Variants in DECR2 observed in about 807,000 individuals in gnomAD.
DECR2 encodes peroxisomal 2,4-dienoyl-CoA reductase [(3E)-enoyl-CoA-producing].
In DECR2, 34 loss-of-function variants were observed where a neutral mutation model predicts 29.2. The observed-to-expected ratio is 1.16, with a 90% confidence interval of 0.89 to 1.55. The LOEUF is 1.55. Among genes scored for constraint, DECR2 ranks in the 40% most tolerant of loss-of-function variants. The pLI is 0.00. For synonymous variants in DECR2, 224 were observed against 182.7 expected, an observed-to-expected ratio of 1.23 and a Z score of -1.82; for missense variants, 485 against 425.3, an observed-to-expected ratio of 1.14 and a Z score of -1.23.
chr16:403,341 A>C (rs994356565), intron 1 of DECR2, among the ~76,000 whole-genome samples: 1 of 152,336 alleles, frequency 6.6e-6, no homozygotes, highest in African/African-American at 2.4e-5. Flanking sequence ...TTTAATAATT[A>C]AGAATAGGAA....
Position 405,028 on chromosome 16 carries a change from A to T in DECR2, c.149+4A>T, listed in dbSNP as rs368485038. Reference sequence around the variant, plus strand: ...GGATTGCTGAGATTTTCATGCGGTGAGACTGCTCTGTGTCCCTTCCCTGCT... The same window carrying T: ...GGATTGCTGAGATTTTCATGCGGTGTGACTGCTCTGTGTCCCTTCCCTGCT... On this transcript the variant is annotated splice_donor_region_variant and intron_variant, in intron 2 of 8. Coordinates refer to ENST00000219481, the MANE Select transcript of DECR2 (RefSeq NM_020664.4). The T allele has an allele frequency of 1.5e-5, 25 of 1,613,902 alleles. No homozygotes were observed. The highest frequency in any genetic ancestry group is 2.1e-5 in the Non-Finnish European group (25 of 1,179,988).
intron 2 of DECR2, chr16:405,280 G>A: frequency 1.7e-6 from 1 of 591,946 alleles, no homozygotes; most frequent in South Asian, 2.1e-5. Context: ...CGAGAGTCAG[G>A]GCTGTGTCGG....
At chr16:408,235 G>C (rs1310898302) in intron 4 of DECR2, among the ~76,000 whole-genome samples, 1 of 140,394 alleles carries the variant, frequency 7.1e-6, no homozygotes, top group East Asian at 2.2e-4. Flanking sequence ...CTCTGTCTCC[G>C]GGCCTCTGTC....
At chr16:403,042 T>C in intron 1 of DECR2, 1 of 984,950 alleles carries the variant, frequency 1.0e-6, no homozygotes, top group Non-Finnish European at 1.2e-6. Context: ...TCTCTCTGAG[T>C]GTTCTGCAGG....
In DECR2 at chr16:410,150, C is replaced by T; in HGVS notation, c.338-93C>T. ...CTGTGCCACAGGGCACCTGGGCTCC[C>T]TCCTGCACCCTCCGCTCTGCCCACC... On this transcript the variant is annotated intron_variant, in intron 4 of 8. Transcript: ENST00000219481. This position sits in a 1 kb window ranked among gnomAD's most constrained non-coding sequence, Gnocchi z 4.1. The T allele has an allele frequency of 6.5e-7, 1 of 1,528,902 alleles. No individual in the cohort carries two copies. Among genetic ancestry groups the T allele is most frequent in the Non-Finnish European group, 8.8e-7 (1 of 1,134,936 alleles). The allele number at this position is 1,528,902 out of a possible 1,614,324, so 94.7% of individuals were successfully genotyped here.
intron 4 of DECR2, among the ~76,000 whole-genome samples, chr16:408,039 G>A (rs2054756399): frequency 1.0e-4 from 3 of 29,862 alleles, no homozygotes; most frequent in Admixed American, 3.0e-4. Flanking sequence ...CCCTGTCTCC[G>A]GGCCTCTGTC....
intron 4 of DECR2, among the ~76,000 whole-genome samples, chr16:409,112 G>C (rs368410717): frequency 1.8e-4 from 28 of 152,118 alleles, no homozygotes; most frequent in African/African-American, 6.3e-4. Context: ...GATTACAGGC[G>C]TGAGCCGCCG....
At chr16:404,299 C>T (rs966800944) in intron 1 of DECR2, among the ~76,000 whole-genome samples, 10 of 148,766 alleles carry the variant, frequency 6.7e-5, no homozygotes, top group South Asian at 2.1e-4. Context: ...AGTGCAATGG[C>T]GCAATTTTGG....
rs774079592 is a variant in DECR2, at chr16:410,754, G to T, written c.526G>T (p.Val176Leu). 1 of 1,605,430 alleles carries T rather than the reference G, an allele frequency of 6.2e-7. No homozygotes were observed. The highest frequency in any genetic ancestry group is 8.5e-7 in the Non-Finnish European group (1 of 1,177,740). Residue 176 changes from valine to leucine, a missense_variant, in exon 6 of 9, where the codon GTG becomes TTG. Val to Leu is a conservative substitution (Grantham distance 32, BLOSUM62 1). Coordinates refer to ENST00000219481, the MANE Select transcript of DECR2 (RefSeq NM_020664.4). The surrounding 1 kb of genome is among the most constrained non-coding windows in gnomAD (Gnocchi z 4.1). ...GGGGAACCGGGGGCAGGCGCTCCAGGTGCATGCAGGCTCCGCCAAGGCCGC... is the reference window on the plus strand; with the variant it reads ...GGGGAACCGGGGGCAGGCGCTCCAGTTGCATGCAGGCTCCGCCAAGGCCGC... ...TLGNRGQALQ[V>L]HAGSAKAAVD...
rs1211878593 is a variant in DECR2, at chr16:412,478, G to A, written c.*589G>A. ...AGAAAGAGGATTAAAGAGAATTGCTGGTGATCCTATCGTTTAGGGGTTGTG... is the reference window on the plus strand; with the variant it reads ...AGAAAGAGGATTAAAGAGAATTGCTAGTGATCCTATCGTTTAGGGGTTGTG... On this transcript the variant is annotated 3_prime_UTR_variant, in exon 9 of 9. Transcript: ENST00000219481. The A allele has an allele frequency of 3.3e-5, 5 of 152,168 alleles. No individual in the cohort carries two copies. The highest frequency in any genetic ancestry group is 1.2e-4 in the African/African-American group (5 of 41,442). The allele number at this position is 152,168 out of a possible 1,614,324, so 9.4% of individuals were successfully genotyped here. A position where few individuals can be genotyped will look rare whatever the true frequency, so the allele number is the denominator to read the frequency against.
At position 411,557 on chromosome 16, in the gene DECR2, A is replaced by T. The variant is rs1341481541; in HGVS notation, c.858A>T (p.Ala286=). 6.2e-7 allele frequency: 1 copy of T among 1,613,262 alleles called. No individual in the cohort carries two copies. Among genetic ancestry groups the T allele is most frequent in the African/African-American group, 1.3e-5 (1 of 74,934 alleles). The stretch of plus-strand genomic sequence containing the variant: ...GTGTCAAAGGGCTGCCGGATTTCGC[A>T]TCCTTCTCTGCTAAGCTCTAGGTGA... The part of the protein sequence containing the change: ...PNGVKGLPDF[A]SFSAKL The change falls in exon 8 of 9, where the codon GCA becomes GCT. Residue 286 remains alanine, a synonymous_variant. Transcript: ENST00000219481.
At position 410,226 on chromosome 16, in the gene DECR2, G is replaced by A. The variant is rs1258137051; in HGVS notation, c.338-17G>A. 1.3e-5 allele frequency: 21 copies of A among 1,610,608 alleles called. No homozygotes were observed. The highest frequency in any genetic ancestry group is 4.0e-5 in the African/African-American group (3 of 74,952). On this transcript the variant is annotated splice_polypyrimidine_tract_variant and intron_variant, in intron 4 of 8. Coordinates refer to ENST00000219481, the MANE Select transcript of DECR2 (RefSeq NM_020664.4). The surrounding 1 kb of genome is among the most constrained non-coding windows in gnomAD (Gnocchi z 4.1). ...CTCCCCAGGCTCCAGCAGCTCCTGC[G>A]GTCTCCCATTCTGCAGGTGCGGCCG...
chr16:411,364 G>A lies in DECR2; in HGVS notation c.665G>A (p.Gly222Asp). 2 of 1,605,404 alleles carry A rather than the reference G, an allele frequency of 1.2e-6. No individual in the cohort carries two copies. Among genetic ancestry groups the A allele is most frequent in the Non-Finnish European group, 1.7e-6 (2 of 1,178,588 alleles). ...TGAGCCTTCTGCTGCCCTCCAGGTGGCCCTCAGGCCAGCCTGAGCACCAAG... is the reference window on the plus strand; with the variant it reads ...TGAGCCTTCTGCTGCCCTCCAGGTGACCCTCAGGCCAGCCTGAGCACCAAG... ...SGTEGLRRLG[G>D]PQASLSTKVT... Residue 222 changes from glycine (G) to aspartate (D), a missense_variant, in exon 8 of 9, where the codon GGC becomes GAC. By Grantham distance (94) the Gly-to-Asp change is moderately conservative. Transcript: ENST00000219481.
chr16:402,177 TTC>T (rs1328702167), intron 1 of DECR2, 134 bp downstream of exon 1: 1 of 730,368 alleles, frequency 1.4e-6, no homozygotes, highest in Admixed American at 4.4e-5. Flanking sequence ...TCTTTTTTCT[TTC>T]TTTTTTTTTT....
chr16:404,787 G>A (rs545331364), intron 1 of DECR2, among the ~76,000 whole-genome samples, 169 bp from the exon 2 acceptor site: 13 of 151,964 alleles, frequency 8.6e-5, no homozygotes, highest in South Asian at 2.1e-4. Flanking sequence ...CCACCACCAC[G>A]CCCAGCTGAT....
Position 410,603 on chromosome 16 carries a change from G to GT in DECR2, c.463-88_463-87insT. 7.1e-7 allele frequency: 1 copy of GT among 1,410,720 alleles called. No individual in the cohort carries two copies. Among genetic ancestry groups the GT allele is most frequent in the South Asian group, 1.2e-5 (1 of 81,444 alleles). The allele number at this position is 1,410,720 out of a possible 1,614,324, so 87.4% of individuals were successfully genotyped here. ...CTGACGGCCGCCCGCTCCCTGCCCC[G>GT]GGCCTCCCCCTGACAGCCACCCGCT... On this transcript the variant is annotated intron_variant, in intron 5 of 8. Transcript: ENST00000219481. This position sits in a 1 kb window ranked among gnomAD's most constrained non-coding sequence, Gnocchi z 4.1.
chr16:410,841 G>A lies in DECR2; in HGVS notation c.556+57G>A. 6.5e-7 allele frequency: 1 copy of A among 1,526,998 alleles called. No individual in the cohort carries two copies. Among genetic ancestry groups the A allele is most frequent in the Non-Finnish European group, 8.9e-7 (1 of 1,127,494 alleles). 94.6% of individuals were successfully genotyped at this position (1,526,998 alleles called of 1,614,324 possible). On this transcript the variant is annotated intron_variant, in intron 6 of 8. Transcript: ENST00000219481. This position sits in a 1 kb window ranked among gnomAD's most constrained non-coding sequence, Gnocchi z 4.1. ...CACGTGGGTCCCCAATGGGCCGTCT[G>A]CTTCCATCCCAGGAGGCCAGCAGTC...
In DECR2 at chr16:411,068, G is replaced by C; in HGVS notation, c.653G>C (p.Arg218Pro). 2 of 1,543,188 alleles carry C rather than the reference G, an allele frequency of 1.3e-6. No individual in the cohort carries two copies. The highest frequency in any genetic ancestry group is 1.7e-6 in the Non-Finnish European group (2 of 1,148,586). Residue 218 changes from arginine to proline, a missense_variant, in exon 7 of 9, where the codon CGG (arginine) becomes CCG (proline). Physicochemically the swap from Arg to Pro is moderately radical, Grantham distance 103 (BLOSUM62 -2). Coordinates refer to ENST00000219481, the MANE Select transcript of DECR2 (RefSeq NM_020664.4). ...CCCATCAGTGGCACAGAGGGGCTCC[G>C]GCGACTGGGTAAGGCTCTCAGGGAG... Reference protein sequence around the residue: ...PGPISGTEGLRRLGGPQASLS... With the variant: ...PGPISGTEGLPRLGGPQASLS...
chr16:401,926 T>A lies in DECR2; in HGVS notation c.-38T>A. ...GCCGGGTCCTGGAGGCCGAGGCCGC[T>A]CCCGCCCGTTGTCCCCGCAGTCCCC... On this transcript the variant is annotated 5_prime_UTR_variant, in exon 1 of 9. Transcript: ENST00000219481. 6.8e-7 allele frequency: 1 copy of A among 1,471,174 alleles called. No individual in the cohort carries two copies. Among genetic ancestry groups the A allele is most frequent in the Non-Finnish European group, 9.0e-7 (1 of 1,117,292 alleles). The allele number at this position is 1,471,174 out of a possible 1,614,324, so 91.1% of individuals were successfully genotyped here. A position where few individuals can be genotyped will look rare whatever the true frequency, so the allele number is the denominator to read the frequency against.
Sources: allele counts gnomAD v4.1 joint callset (sites outside exome capture counted in the v4.1 genomes callset), GRCh38; gene constraint gnomAD v4.1.1; non-coding constraint Gnocchi (gnomAD v3.1); transcripts MANE v1.5; gene names NCBI Gene and HGNC (gene_info 2026-07-23, HGNC 2026-07-21).